The following CEP85L variants were observed in gnomAD, a reference collection of about 807,000 sequenced individuals.
The protein encoded by CEP85L is centrosomal protein 85L, also known as centrosomal protein of 85 kDa-like.
CEP85L carries 60 observed loss-of-function variants against 100.3 expected under a neutral mutation model. The observed-to-expected ratio is 0.60, with a 90% CI of 0.49 to 0.74. CEP85L has a LOEUF of 0.74. Among genes scored for constraint, CEP85L ranks in the 30% least tolerant of loss-of-function variants. The pLI is 0.00. For synonymous variants in CEP85L, 319 were observed against 322.7 expected, an observed-to-expected ratio of 0.99 and a Z score of 0.12; for missense variants, 973 against 936.2, an observed-to-expected ratio of 1.04 and a Z score of -0.51.
intron 2 of CEP85L, among the ~76,000 whole-genome samples, chr6:118,599,197 A>T (rs1370941041): frequency 1.3e-5 from 2 of 152,160 alleles, no homozygotes; most frequent in Non-Finnish European, 2.9e-5. Flanking sequence ...ACCAGAGCTC[A>T]TTGGTGAAAT....
chr6:118,692,357 A>C (rs1391832762), intron 1 of CEP85L, among the ~76,000 whole-genome samples: 1 of 152,172 alleles, frequency 6.6e-6, no homozygotes, highest in Non-Finnish European at 1.5e-5. Context: ...ATGGTATGCA[A>C]GGAAGAACTA....
chr6:118,469,082 C>T lies in CEP85L; in HGVS notation c.2244G>A (p.Leu748=). ...QGKEPNLSLL[L]GIRSMNCSAE... is the part of the protein sequence containing the mutation. ...TCATCAGACACTTACATCTTATTCCCAGTAATAATGAAAGATTAGGCTCCT... is the reference window on the plus strand; with the variant it reads ...TCATCAGACACTTACATCTTATTCCTAGTAATAATGAAAGATTAGGCTCCT... Residue 748 remains leucine, a synonymous_variant, in exon 12 of 13, where the codon CTG becomes CTA. Transcript: ENST00000368491. 2 of 1,606,498 alleles carry T rather than the reference C, an allele frequency of 1.2e-6. No homozygotes were observed. The highest frequency in any genetic ancestry group is 2.7e-5 in the African/African-American group (2 of 74,858).
intron 7 of CEP85L, 55 bp downstream of exon 7, chr6:118,483,651 G>T: frequency 6.5e-7 from 1 of 1,531,522 alleles, no homozygotes; most frequent in African/African-American, 1.4e-5. Context: ...AATTTCTAGA[G>T]TCAAGTTAAC....
At chr6:118,628,440 G>A (rs911219629) in intron 2 of CEP85L, among the ~76,000 whole-genome samples, 1 of 151,710 alleles carries the variant, frequency 6.6e-6, no homozygotes, top group Admixed American at 6.6e-5. Flanking sequence ...TAGTAGACTG[G>A]ACTTGGCACA....
At chr6:118,654,381 G>C (rs1775704792), upstream of CEP85L, among the ~76,000 whole-genome samples, 1 of 152,092 alleles carries the variant, frequency 6.6e-6, no homozygotes, top group African/African-American at 2.4e-5. Context: ...AATAGCAAAA[G>C]AACCCAACAA....
chr6:118,629,054 CT>C (rs1483308646), intron 2 of CEP85L, among the ~76,000 whole-genome samples: 2 of 152,144 alleles, frequency 1.3e-5, no homozygotes, highest in African/African-American at 4.8e-5. Context: ...AATAATCAAA[CT>C]TTAAAAACAA....
intron 2 of CEP85L, among the ~76,000 whole-genome samples, chr6:118,590,296 A>G (rs1467600112): frequency 6.6e-6 from 1 of 152,192 alleles, no homozygotes; most frequent in African/African-American, 2.4e-5. Flanking sequence ...CTTTTAAAGC[A>G]GCTCCAGAAA....
chr6:118,600,801 T>TTA (rs369727518), intron 2 of CEP85L, among the ~76,000 whole-genome samples: 21 of 147,086 alleles, frequency 1.4e-4, no homozygotes, highest in South Asian at 4.3e-4. Context: ...TTGTCTTTTT[T>TTA]AAAAAAAAAA....
intron 12 of CEP85L, among the ~76,000 whole-genome samples, chr6:118,466,695 A>C (rs1355851610): frequency 6.6e-6 from 1 of 152,156 alleles, no homozygotes; most frequent in Non-Finnish European, 1.5e-5. Flanking sequence ...CCAAGAAATA[A>C]GGCTATAGAG....
At chr6:118,701,545 T>C (rs568471598) in intron 1 of CEP85L, among the ~76,000 whole-genome samples, 10 of 152,318 alleles carry the variant, frequency 6.6e-5, no homozygotes, top group African/African-American at 2.4e-4. Context: ...ATACCACATA[T>C]TCTCACTTAT....
At chr6:118,521,916 TTATTA>T (rs1283403178) in intron 4 of CEP85L, among the ~76,000 whole-genome samples, 2 of 152,142 alleles carry the variant, frequency 1.3e-5, no homozygotes, top group African/African-American at 4.8e-5. Context: ...AATATATATT[TTATTA>T]TATTATGTCA....
At chr6:118,684,572 T>A (rs1215352536) in intron 1 of CEP85L, among the ~76,000 whole-genome samples, 1 of 152,218 alleles carries the variant, frequency 6.6e-6, no homozygotes, top group Non-Finnish European at 1.5e-5. Flanking sequence ...AGAAATCTCA[T>A]AAATATCTCA....
At chr6:118,584,215 C>A (rs1780732419) in intron 2 of CEP85L, among the ~76,000 whole-genome samples, 1 of 152,142 alleles carries the variant, frequency 6.6e-6, no homozygotes, top group African/African-American at 2.4e-5. Context: ...TGTTAGCTAA[C>A]AGAGAATATA....
chr6:118,525,368 T>C (rs1297562371), intron 3 of CEP85L, among the ~76,000 whole-genome samples: 1 of 152,172 alleles, frequency 6.6e-6, no homozygotes, highest in Non-Finnish European at 1.5e-5. Context: ...AAAAGATAAG[T>C]TGAAGTCCTA....
At chr6:118,597,774 T>G (rs1781530734) in intron 2 of CEP85L, among the ~76,000 whole-genome samples, 1 of 152,180 alleles carries the variant, frequency 6.6e-6, no homozygotes, top group African/African-American at 2.4e-5. Context: ...GTGGTGTTTT[T>G]CAGTTCTTCA....
rs1295583512 is a variant in CEP85L at position 118,483,689 on chromosome 6, A to G, written c.1590+17T>C. 1 of 1,594,422 alleles carries G rather than the reference A, an allele frequency of 6.3e-7. No individual in the cohort carries two copies. The highest frequency in any genetic ancestry group is 2.2e-5 in the East Asian group (1 of 44,670). On this transcript the variant is annotated intron_variant, in intron 7 of 12. Coordinates refer to ENST00000368491, the MANE Select transcript of CEP85L (RefSeq NM_001042475.3). ...GTTTTCATGTCATTTAAAGATAAGC[A>G]TTTTATTTCATGTTACCTGTAGACT...
In CEP85L at chr6:118,485,174, A is replaced by G. The variant is rs575876936; in HGVS notation, c.1438-1316T>C. 2.0e-5 allele frequency among the ~76,000 whole-genome samples: 3 copies of G among 152,252 alleles called. No homozygotes were observed. The East Asian group carries it at 5.8e-4, about 29-fold the overall frequency. ...TCATAGTCAAAGCTCTTTCATATTT[A>G]CTCCTATTTACCTTAAATTAACAAT... On this transcript the variant is annotated intron_variant, in intron 6 of 12. Coordinates refer to ENST00000368491, the MANE Select transcript of CEP85L (RefSeq NM_001042475.3).
intron 1 of CEP85L, among the ~76,000 whole-genome samples, chr6:118,709,078 G>T (rs755707744): frequency 6.6e-6 from 1 of 152,076 alleles, no homozygotes; most frequent in Non-Finnish European, 1.5e-5. Context: ...GGGACTGACA[G>T]CCCACAGAGA....
rs1448783649 is a variant in CEP85L at position 118,476,625 on chromosome 6, T to C, written c.1914+3246A>G. ...CTGAGGAAAACTGCTAGATGAAGGA[T>C]TTATGAGATTTGCTAAAAATTGGAA... On this transcript the variant is annotated intron_variant, in intron 10 of 12. Coordinates refer to ENST00000368491, the MANE Select transcript of CEP85L (RefSeq NM_001042475.3). 5.3e-5 allele frequency among the ~76,000 whole-genome samples: 8 copies of C among 152,284 alleles called. No homozygotes were observed. In the East Asian group the frequency reaches 1.3e-3, roughly 26 times the overall value.
Sources: allele counts gnomAD v4.1 joint callset (sites outside exome capture counted in the v4.1 genomes callset), GRCh38; gene constraint gnomAD v4.1.1; transcripts MANE v1.5; gene names NCBI Gene and HGNC (gene_info 2026-07-23, HGNC 2026-07-21).